Variants in CAST observed in about 807,000 individuals in gnomAD.
The protein encoded by CAST is MIR583 host.
A neutral mutation model predicts 119.6 loss-of-function variants in CAST; 76 were observed. The observed-to-expected ratio is 0.64, with a 90% CI of 0.53 to 0.77. CAST has a LOEUF of 0.77. CAST is among the 30% of genes least tolerant of loss of function. The pLI, the probability that CAST is intolerant of heterozygous loss-of-function variation, is 0.00. For synonymous variants in CAST, 319 were observed against 331.6 expected, an observed-to-expected ratio of 0.96 and a Z score of 0.41; for missense variants, 953 against 946.5, an observed-to-expected ratio of 1.01 and a Z score of -0.09.
At chr5:96,662,672 C>CTGCAGGTGGT (rs1483445680) in intron 1 of CAST, among the ~76,000 whole-genome samples, 175 bp downstream of exon 1, 2 of 152,180 alleles carry the variant, frequency 1.3e-5, no homozygotes, top group Non-Finnish European at 2.9e-5. Context: ...CTGCAGGTGG[C>CTGCAGGTGGT]TTCGGTTCCC....
the CAST span, among the ~76,000 whole-genome samples, chr5:96,322,958 A>G: frequency 1.3e-5 from 2 of 152,164 alleles, no homozygotes; most frequent in South Asian, 4.1e-4. Context: ...TACTTCTGCC[A>G]TTATTCTTCC....
chr5:95,998,901 C>T, the CAST span, among the ~76,000 whole-genome samples: 1 of 152,046 alleles, frequency 6.6e-6, no homozygotes, highest in Non-Finnish European at 1.5e-5. Flanking sequence ...TCCCCATGTT[C>T]TCATTATCTG....
the CAST span, among the ~76,000 whole-genome samples, chr5:96,220,025 C>T: frequency 6.6e-6 from 1 of 152,138 alleles, no homozygotes; most frequent in South Asian, 2.1e-4. Flanking sequence ...CCCCTTTCTT[C>T]CTTGTTGTTA....
At chr5:96,412,341 C>T in the CAST span, 1 of 1,614,064 alleles carries the variant, frequency 6.2e-7, no homozygotes, top group Non-Finnish European at 8.5e-7. Flanking sequence ...TATTCAAAAG[C>T]CTTCTGGGCT....
the CAST span, among the ~76,000 whole-genome samples, chr5:96,234,805 G>A: frequency 2.0e-5 from 3 of 152,138 alleles, no homozygotes; most frequent in African/African-American, 7.2e-5. Flanking sequence ...CTGGGGAGGT[G>A]TGTGTGGGTT....
the CAST span, among the ~76,000 whole-genome samples, chr5:96,074,779 A>G: frequency 6.6e-6 from 1 of 152,200 alleles, no homozygotes; most frequent in Non-Finnish European, 1.5e-5. Context: ...TAGACAGGAA[A>G]AGTTTGGTGA....
Position 96,766,160 on chromosome 5 carries a change from A to G in CAST, c.2130+15A>G, listed in dbSNP as rs1466064860. The G allele has an allele frequency of 2.1e-6, 3 of 1,430,164 alleles. No homozygotes were observed. The highest frequency in any genetic ancestry group is 1.2e-5 in the South Asian group (1 of 85,528). The allele number at this position is 1,430,164 out of a possible 1,614,324, so 88.6% of individuals were successfully genotyped here. On this transcript the variant is annotated intron_variant, in intron 27 of 31. Transcript: ENST00000675179. ...ATAATGGACAGGTAAACTGAGGCAA[A>G]TTGCTAGATCGGATTTATGCTACCA...
At chr5:96,690,686 T>C (rs1051214719) in intron 2 of CAST, among the ~76,000 whole-genome samples, 17 of 152,362 alleles carry the variant, frequency 1.1e-4, no homozygotes, top group African/African-American at 3.4e-4. Flanking sequence ...TTTGTACTTA[T>C]TTGGTCACCA....
At chr5:96,349,215 A>C in the CAST span, among the ~76,000 whole-genome samples, 3 of 139,986 alleles carry the variant, frequency 2.1e-5, no homozygotes, top group Admixed American at 1.6e-4. Flanking sequence ...GACAATTTGC[A>C]AAATTGAACT....
the CAST span, among the ~76,000 whole-genome samples, chr5:96,022,058 A>T: frequency 6.6e-6 from 1 of 152,148 alleles, no homozygotes; most frequent in South Asian, 2.1e-4. Context: ...TAGCATTTAC[A>T]TTGTGTTGGG....
chr5:96,408,441 C>T, the CAST span: 2 of 731,630 alleles, frequency 2.7e-6, no homozygotes, highest in African/African-American at 1.7e-5. Context: ...TCAGCTGATT[C>T]GATTGCCTAC....
intron 22 of CAST, among the ~76,000 whole-genome samples, chr5:96,756,517 C>T (rs151000555): frequency 6.6e-6 from 1 of 152,156 alleles, no homozygotes; most frequent in African/African-American, 2.4e-5. Context: ...ATCTGTTGAG[C>T]AGCCCTAGTC....
the CAST span, among the ~76,000 whole-genome samples, chr5:96,438,052 T>C: frequency 6.6e-6 from 1 of 151,980 alleles, no homozygotes; most frequent in Non-Finnish European, 1.5e-5. Flanking sequence ...CTTGCCTAAC[T>C]TTTTTCTGCT....
At chr5:96,599,805 T>G (rs1239647187) in intron 1 of CAST, among the ~76,000 whole-genome samples, 2 of 152,124 alleles carry the variant, frequency 1.3e-5, no homozygotes, top group Non-Finnish European at 2.9e-5. Context: ...TATTAGTAAT[T>G]GGGTCCAGGT....
Position 96,748,154 on chromosome 5 carries a change from G to A in CAST, c.1333-364G>A, listed in dbSNP as rs116099616. Among the ~76,000 whole-genome samples the A allele has an allele frequency of 3.6e-3, 552 of 152,272 alleles. 2 individuals are homozygous for A. The highest frequency in any genetic ancestry group is 0.013 in the African/African-American group (526 of 41,562). ...TATCATCCGTGTTTTGACTTATTCA[G>A]AAGAGAAGTCATGAGGAAATAGGAA... On this transcript the variant is annotated intron_variant, in intron 18 of 31. Transcript: ENST00000675179.
At chr5:96,407,181 A>T in the CAST span, among the ~76,000 whole-genome samples, 72 of 152,362 alleles carry the variant, frequency 4.7e-4, 2 homozygotes, top group South Asian at 0.015. Flanking sequence ...ACTGACAAAC[A>T]TAACTACATA....
chr5:96,682,938 G>A (rs1751621999), intron 2 of CAST, among the ~76,000 whole-genome samples: 1 of 151,922 alleles, frequency 6.6e-6, no homozygotes, highest in African/African-American at 2.4e-5. Flanking sequence ...TCCCCCAGGT[G>A]CAGCATGCTA....
chr5:96,334,986 A>G, the CAST span, among the ~76,000 whole-genome samples: 1 of 152,126 alleles, frequency 6.6e-6, no homozygotes, highest in Non-Finnish European at 1.5e-5. Flanking sequence ...TCGTCCTCCA[A>G]TTTCAGAAGA....
At chr5:96,070,544 C>A in the CAST span, among the ~76,000 whole-genome samples, 1 of 152,164 alleles carries the variant, frequency 6.6e-6, no homozygotes, top group Non-Finnish European at 1.5e-5. Context: ...AGGGAGGAAT[C>A]AAAACTGATT....
Sources: allele counts gnomAD v4.1 joint callset (sites outside exome capture counted in the v4.1 genomes callset), GRCh38; gene constraint gnomAD v4.1.1; transcripts MANE v1.5; gene names NCBI Gene and HGNC (gene_info 2026-07-23, HGNC 2026-07-21).